The following ZDHHC2 variants were observed in gnomAD, a reference collection of about 807,000 sequenced individuals.
ZDHHC2 encodes the protein zDHHC palmitoyltransferase 2, also known as palmitoyltransferase ZDHHC2.
Under a neutral mutation model 55.6 loss-of-function variants are expected in ZDHHC2, and 51 were observed. The ratio of observed to expected loss-of-function variants is 0.92; its 90% confidence interval spans 0.73 to 1.16. The LOEUF (loss-of-function observed/expected upper bound fraction) is 1.16. Ranked by LOEUF, ZDHHC2 falls within the 50% of genes most tolerant of loss-of-function variation. The probability of loss-of-function intolerance (pLI) is 0.00; values close to 1 mark genes in which losing one functional copy is unlikely to be tolerated. For missense variants in ZDHHC2, 491 were observed against 442.4 expected (o/e 1.11, Z -0.99); for synonymous variants, 199 against 152.9 (o/e 1.30, Z -2.22).
intron 11 of ZDHHC2, 87 bp downstream of exon 11, chr8:17,215,436 C>G: frequency 2.0e-6 from 2 of 998,660 alleles, no homozygotes. Flanking sequence ...ATACTACCTA[C>G]AGATGTTTTC....
At chr8:17,164,292 A>T (rs1804497282) in intron 1 of ZDHHC2, among the ~76,000 whole-genome samples, 1 of 152,234 alleles carries the variant, frequency 6.6e-6, no homozygotes, top group South Asian at 2.1e-4. Context: ...GCAAAATTAT[A>T]TGCTGCATTT....
intron 1 of ZDHHC2, 41 bp from the exon 2 acceptor site, chr8:17,184,748 A>G (rs1805623369): frequency 1.3e-6 from 2 of 1,531,928 alleles, no homozygotes; most frequent in African/African-American, 2.8e-5. Flanking sequence ...CCCGTTTGCC[A>G]TAAGCTTCAT....
intron 6 of ZDHHC2, among the ~76,000 whole-genome samples, chr8:17,204,822 A>T (rs1295328403): frequency 6.6e-6 from 1 of 152,134 alleles, no homozygotes; most frequent in Non-Finnish European, 1.5e-5. Flanking sequence ...AAAATAAAAT[A>T]TAAATAAATA....
intron 10 of ZDHHC2, among the ~76,000 whole-genome samples, chr8:17,211,443 G>C (rs998965428): frequency 6.6e-6 from 1 of 151,980 alleles, no homozygotes; most frequent in Non-Finnish European, 1.5e-5. Context: ...CAGTGTTCCT[G>C]GTAGCCATTC....
Position 17,207,967 on chromosome 8 carries a change from T to A in ZDHHC2, c.605T>A (p.Leu202Gln), listed in dbSNP as rs1807189923. ...QYFIKFWTNG[L>Q]PDTQAKFHIM... ...TTCTTCCTTTCTTTATAGAATGGCC[T>A]ACCTGATACTCAAGCCAAGTTCCAT... Residue 202 changes from leucine to glutamine, a missense_variant, in exon 8 of 13, where the codon CTA becomes CAA. Physicochemically the swap from Leu to Gln is moderately radical, Grantham distance 113 (BLOSUM62 -2). Transcript: ENST00000262096. 1 of 1,554,046 alleles carries A rather than the reference T, an allele frequency of 6.4e-7. No homozygotes were observed. Among genetic ancestry groups the A allele is most frequent in the African/African-American group, 1.4e-5 (1 of 73,180 alleles).
At chr8:17,175,368 C>G (rs1352185637) in intron 1 of ZDHHC2, among the ~76,000 whole-genome samples, 2 of 152,148 alleles carry the variant, frequency 1.3e-5, no homozygotes, top group African/African-American at 4.8e-5. Context: ...CATTTTTCTG[C>G]TTATTCACGC....
intron 6 of ZDHHC2, among the ~76,000 whole-genome samples, chr8:17,199,481 CTTCTT>C (rs1806518444): frequency 3.0e-5 from 1 of 33,848 alleles, no homozygotes; most frequent in Admixed American, 3.0e-4. Context: ...TCTTCTTCTT[CTTCTT>C]CTTCTTCTTC....
At chr8:17,187,997 C>T (rs1344298387) in intron 3 of ZDHHC2, among the ~76,000 whole-genome samples, 1 of 152,162 alleles carries the variant, frequency 6.6e-6, no homozygotes, top group Admixed American at 6.5e-5. Context: ...TCATCATCTC[C>T]CTTGTCTGAG....
chr8:17,217,925 A>G (rs1417165589), intron 12 of ZDHHC2, among the ~76,000 whole-genome samples: 1 of 152,248 alleles, frequency 6.6e-6, no homozygotes, highest in African/African-American at 2.4e-5. Context: ...TACCGAGCTG[A>G]ATATTAAAGA....
At chr8:17,191,470 C>G (rs1214833269) in intron 3 of ZDHHC2, among the ~76,000 whole-genome samples, 1 of 152,176 alleles carries the variant, frequency 6.6e-6, no homozygotes, top group Non-Finnish European at 1.5e-5. Flanking sequence ...TTCCTACTAC[C>G]CTTCCCAGCC....
intron 1 of ZDHHC2, among the ~76,000 whole-genome samples, chr8:17,172,792 G>C (rs1804925882): frequency 6.6e-6 from 1 of 152,062 alleles, no homozygotes; most frequent in Non-Finnish European, 1.5e-5. Context: ...CCTTTCTTCT[G>C]CTTTGGATGG....
At chr8:17,185,596 AG>A (rs1805668200) in intron 2 of ZDHHC2, among the ~76,000 whole-genome samples, 1 of 152,012 alleles carries the variant, frequency 6.6e-6, no homozygotes, top group Non-Finnish European at 1.5e-5. Flanking sequence ...CTTGAGCCCC[AG>A]GGGGCGGAGG....
chr8:17,221,699 A>T lies in ZDHHC2; in HGVS notation c.*1478A>T, dbSNP rs1201587107. ...ATTAATTGTGCTTATGGAAGAAACA[A>T]TGTCAGCCAAGTCCATTTTATAGTT... On this transcript the variant is annotated 3_prime_UTR_variant, in exon 13 of 13. Transcript: ENST00000262096. 1 of 152,528 alleles carries T rather than the reference A, an allele frequency of 6.6e-6. No homozygotes were observed. The highest frequency in any genetic ancestry group is 1.5e-5 in the Non-Finnish European group (1 of 67,938). 9.4% of individuals were successfully genotyped at this position (152,528 alleles called of 1,614,324 possible). A position where few individuals can be genotyped will look rare whatever the true frequency, so the allele number is the denominator to read the frequency against.
intron 12 of ZDHHC2, among the ~76,000 whole-genome samples, chr8:17,217,799 T>A (rs1156462836): frequency 6.6e-6 from 1 of 152,130 alleles, no homozygotes; most frequent in Non-Finnish European, 1.5e-5. Context: ...TATTTTTTTT[T>A]AAACCTGCAG....
At chr8:17,214,108 C>G (rs1255484995) in intron 10 of ZDHHC2, among the ~76,000 whole-genome samples, 7 of 151,718 alleles carry the variant, frequency 4.6e-5, no homozygotes, top group African/African-American at 1.7e-4. Flanking sequence ...CTTTTGAATA[C>G]TGTTACAATT....
At chr8:17,158,932 A>G (rs1310530247) in intron 1 of ZDHHC2, among the ~76,000 whole-genome samples, 3 of 152,242 alleles carry the variant, frequency 2.0e-5, no homozygotes, top group African/African-American at 7.2e-5. Context: ...TTCAGAAAGT[A>G]GCTTTTATAT....
chr8:17,204,914 C>T (rs545661232), intron 6 of ZDHHC2, among the ~76,000 whole-genome samples: 1 of 152,036 alleles, frequency 6.6e-6, no homozygotes, highest in African/African-American at 2.4e-5. Context: ...TTTATTGATA[C>T]AATAGTTTGA....
chr8:17,159,867 C>T (rs973308718), intron 1 of ZDHHC2, among the ~76,000 whole-genome samples: 1 of 151,516 alleles, frequency 6.6e-6, no homozygotes, highest in East Asian at 1.9e-4. Flanking sequence ...CCTTCTCTTA[C>T]CACTCCTTTT....
At chr8:17,181,182 C>T (rs1407128125) in intron 1 of ZDHHC2, among the ~76,000 whole-genome samples, 1 of 152,152 alleles carries the variant, frequency 6.6e-6, no homozygotes, top group Non-Finnish European at 1.5e-5. Flanking sequence ...CATATGTCCG[C>T]TTTGATATAC....
Sources: allele counts gnomAD v4.1 joint callset (sites outside exome capture counted in the v4.1 genomes callset), GRCh38; gene constraint gnomAD v4.1.1; transcripts MANE v1.5; gene names NCBI Gene and HGNC (gene_info 2026-07-23, HGNC 2026-07-21).